The following RBFOX1 variants were observed in gnomAD, a reference collection of about 807,000 sequenced individuals.
RBFOX1 encodes RNA binding fox-1 homolog 1.
In RBFOX1, 8 loss-of-function variants were observed where a neutral mutation model predicts 57.7. The ratio of observed to expected loss-of-function variants is 0.14; its 90% confidence interval spans 0.08 to 0.25. The LOEUF (loss-of-function observed/expected upper bound fraction) is 0.25. Among genes scored for constraint, RBFOX1 ranks in the 10% least tolerant of loss-of-function variants. The probability of loss-of-function intolerance (pLI) is 1.00; values close to 1 mark genes in which losing one functional copy is unlikely to be tolerated. For synonymous variants in RBFOX1, 326 were observed against 222.4 expected (o/e 1.47, Z -4.15); for missense variants, 611 against 548.5 (o/e 1.11, Z -1.14).
intron 4 of RBFOX1, among the ~76,000 whole-genome samples, chr16:7,199,241 A>T (rs979288510): frequency 6.6e-6 from 1 of 152,348 alleles, no homozygotes. Flanking sequence ...AGCTTAAACC[A>T]GACAAGATTT....
intron 4 of RBFOX1, among the ~76,000 whole-genome samples, chr16:7,144,695 C>G (rs1020804304): frequency 1.3e-5 from 2 of 152,110 alleles, no homozygotes; most frequent in Admixed American, 1.3e-4. Context: ...TGCAGAGCAG[C>G]TTCCCTCCGC....
chr16:6,553,491 C>T (rs2097030754), intron 2 of RBFOX1, among the ~76,000 whole-genome samples: 1 of 152,144 alleles, frequency 6.6e-6, no homozygotes, highest in Non-Finnish European at 1.5e-5. Context: ...TTGATGCCAC[C>T]TACACCAATC....
chr16:7,677,130 C>T (rs1396180680), intron 14 of RBFOX1, among the ~76,000 whole-genome samples: 1 of 137,358 alleles, frequency 7.3e-6, no homozygotes, highest in Admixed American at 7.6e-5. Flanking sequence ...CTCACATACA[C>T]ATACACACAC....
intron 3 of RBFOX1, among the ~76,000 whole-genome samples, chr16:7,026,042 A>T (rs2040820947): frequency 6.6e-6 from 1 of 152,156 alleles, no homozygotes; most frequent in Non-Finnish European, 1.5e-5. Context: ...ACAAAGGGAA[A>T]ACAAAAGGAC....
chr16:5,388,199 A>G (rs946384284), intron 1 of RBFOX1, among the ~76,000 whole-genome samples: 6 of 152,168 alleles, frequency 3.9e-5, no homozygotes, highest in African/African-American at 1.4e-4. Context: ...CAGTAGCAGG[A>G]AACCAGCACA....
intron 2 of RBFOX1, among the ~76,000 whole-genome samples, chr16:6,583,126 C>T (rs1033358873): frequency 5.9e-5 from 9 of 152,084 alleles, no homozygotes; most frequent in African/African-American, 2.2e-4. Flanking sequence ...AGCCAGCATT[C>T]TCCACTCAGA....
chr16:6,656,095 A>G (rs1456146969), intron 3 of RBFOX1, among the ~76,000 whole-genome samples: 1 of 152,146 alleles, frequency 6.6e-6, no homozygotes, highest in Non-Finnish European at 1.5e-5. Context: ...GCATGCTGGT[A>G]TATGCATGTG....
intron 1 of RBFOX1, among the ~76,000 whole-genome samples, chr16:5,456,646 T>G (rs1240669895): frequency 6.6e-6 from 1 of 152,202 alleles, no homozygotes; most frequent in Non-Finnish European, 1.5e-5. Flanking sequence ...GTGTATGAAA[T>G]ATTTCTTGAA....
chr16:7,418,348 A>G (rs1472432842), intron 4 of RBFOX1, among the ~76,000 whole-genome samples: 1 of 152,192 alleles, frequency 6.6e-6, no homozygotes, highest in Non-Finnish European at 1.5e-5. Flanking sequence ...AGGGCAAAGC[A>G]TCTCCTGGTG....
intron 2 of RBFOX1, among the ~76,000 whole-genome samples, chr16:6,408,329 G>T (rs1357746705): frequency 6.6e-6 from 1 of 152,176 alleles, no homozygotes; most frequent in East Asian, 1.9e-4. Context: ...GGAATAAGGT[G>T]TGTGTGCAGG....
At chr16:7,441,675 C>G (rs2098768258) in intron 4 of RBFOX1, among the ~76,000 whole-genome samples, 1 of 152,108 alleles carries the variant, frequency 6.6e-6, no homozygotes, top group Admixed American at 6.5e-5. Flanking sequence ...TTTTTGGCTT[C>G]TTGCAAAAAA....
rs73517572 is a variant in RBFOX1, at chr16:5,574,451, T to C, written c.259-24451T>C. On this transcript the variant is annotated intron_variant, in intron 2 of 2. Coordinates refer to the RBFOX1 transcript ENST00000585867. Reference sequence around the variant, plus strand: ...TTTTTTTTTTTTAAGACGGTGTCTCTGTCGCCGAGGCTAGAGTGCAGTGGC... The same window carrying C: ...TTTTTTTTTTTTAAGACGGTGTCTCCGTCGCCGAGGCTAGAGTGCAGTGGC... Among the ~76,000 whole-genome samples, 489 of 151,434 alleles carry C rather than the reference T, an allele frequency of 3.2e-3. 3 individuals are homozygous for C. Among genetic ancestry groups the C allele is most frequent in the African/African-American group, 0.011 (456 of 41,282 alleles).
intron 2 of RBFOX1, among the ~76,000 whole-genome samples, chr16:6,499,063 C>T (rs558502991): frequency 4.3e-4 from 66 of 152,302 alleles, no homozygotes; most frequent in Non-Finnish European, 8.5e-4. Context: ...CACCAGTTGG[C>T]TTCGCACAAC....
At chr16:7,170,773 C>G (rs1202935810) in intron 4 of RBFOX1, among the ~76,000 whole-genome samples, 1 of 152,130 alleles carries the variant, frequency 6.6e-6, no homozygotes, top group Non-Finnish European at 1.5e-5. Flanking sequence ...CAGCTACAGT[C>G]TTAGGGAAAA....
intron 2 of RBFOX1, among the ~76,000 whole-genome samples, chr16:5,476,942 A>G (rs2069346354): frequency 6.6e-6 from 1 of 152,124 alleles, no homozygotes; most frequent in South Asian, 2.1e-4. Context: ...CACATACTAA[A>G]CTTTTTGTAA....
chr16:5,985,502 T>G (rs2152314463), intron 4 of RBFOX1, among the ~76,000 whole-genome samples: 1 of 152,258 alleles, frequency 6.6e-6, no homozygotes, highest in Non-Finnish European at 1.5e-5. Context: ...GAAGCTGGTA[T>G]TAGGTTGGTG....
chr16:7,615,375 G>T (rs546861279), intron 10 of RBFOX1, among the ~76,000 whole-genome samples: 4 of 152,032 alleles, frequency 2.6e-5, no homozygotes, highest in Non-Finnish European at 4.4e-5. Flanking sequence ...AAACACATTT[G>T]CATTTAATAT....
intron 3 of RBFOX1, among the ~76,000 whole-genome samples, chr16:6,943,571 G>C (rs1214848579): frequency 1.3e-5 from 2 of 152,024 alleles, no homozygotes; most frequent in African/African-American, 2.4e-5. Flanking sequence ...AGCCAGGCGC[G>C]GTGGCGGGTG....
At chr16:6,938,942 G>A (rs2077843543) in intron 3 of RBFOX1, among the ~76,000 whole-genome samples, 1 of 151,912 alleles carries the variant, frequency 6.6e-6, no homozygotes, top group African/African-American at 2.4e-5. Flanking sequence ...AAAAAAGAAA[G>A]TAAAATAAAA....
Sources: gnomAD v4.1 joint callset for allele counts (sites outside exome capture counted in the v4.1 genomes callset) on GRCh38, gnomAD v4.1.1 for gene constraint, MANE v1.5 for transcripts, NCBI Gene and HGNC (gene_info 2026-07-23, HGNC 2026-07-21) for gene names.